The following PABIR2 variants were observed in gnomAD, a reference collection of about 807,000 sequenced individuals.
PABIR2 encodes family with sequence similarity 122B.
In PABIR2, 7 loss-of-function variants were observed where a neutral mutation model predicts 22.8. That is an observed-to-expected ratio of 0.31 (90% CI 0.17 to 0.58). The LOEUF is 0.58. Among genes scored for constraint, PABIR2 ranks in the 20% least tolerant of loss-of-function variants. PABIR2 has a pLI of 0.89. For synonymous variants in PABIR2, 67 were observed against 73.8 expected, an observed-to-expected ratio of 0.91 and a Z score of 0.47; for missense variants, 155 against 205.1, an observed-to-expected ratio of 0.76 and a Z score of 1.49.
Position 134,771,951 on chromosome X carries a change from C to T in PABIR2, c.*188G>A, listed in dbSNP as rs1319409537. On this transcript the variant is annotated 3_prime_UTR_variant, in exon 10 of 10. Coordinates refer to ENST00000343004, the MANE Select transcript of PABIR2 (RefSeq NM_001387468.1). The stretch of plus-strand genomic sequence containing the variant: ...AAAATGAGATCAGCAAAACCAGATA[C>T]TAGTAAGGTCACTAGGCTCACAAAA... The T allele has an allele frequency of 3.1e-6, 3 of 961,781 alleles. No homozygotes were observed. Among genetic ancestry groups the T allele is most frequent in the Admixed American group, 5.4e-5 (1 of 18,487 alleles). The allele number at this position is 961,781 out of a possible 1,213,427, so 79.3% of individuals were successfully genotyped here.
At chrX:134,796,076 T>C (rs2079794862) in intron 1 of PABIR2, 32 bp downstream of exon 1, 1 of 1,170,514 alleles carries the variant, frequency 8.5e-7, no homozygotes, top group Non-Finnish European at 1.2e-6. Context: ...AGCCCCTGAA[T>C]CCTGTACTCC....
At chrX:134,784,209 C>G (rs2079241002) in intron 8 of PABIR2, among the ~76,000 whole-genome samples, 1 of 110,304 alleles carries the variant, frequency 9.1e-6, no homozygotes, top group East Asian at 2.9e-4. Context: ...GTGGCTCATA[C>G]CTGTAATCCC....
chrX:134,791,698 A>T (rs1333236655), intron 2 of PABIR2: 1 of 328,706 alleles, frequency 3.0e-6, no homozygotes, highest in Non-Finnish European at 5.9e-6. Flanking sequence ...TGACATTTAC[A>T]CAAGATAGGT....
At position 134,793,830 on chromosome X, in the gene PABIR2, C is replaced by A; in HGVS notation, c.162G>T (p.Met54Ile). Reference protein sequence around the residue: ...LRTRRNSTTIMSRHSLLLSSS... With the variant: ...LRTRRNSTTIISRHSLLLSSS... The stretch of plus-strand genomic sequence containing the variant: ...CTATACTTACCAGGCTGTGACGGCT[C>A]ATAATTGTTGTACTATTCCTCCGAG... Residue 54 changes from methionine to isoleucine, a missense_variant, in exon 2 of 10, where the codon ATG becomes ATT. Met to Ile is a conservative substitution (Grantham distance 10). Transcript: ENST00000343004. 6 of 1,211,005 alleles carry A rather than the reference C, an allele frequency of 5.0e-6. No individual in the cohort carries two copies. Among genetic ancestry groups the A allele is most frequent in the Non-Finnish European group, 5.6e-6 (5 of 895,069 alleles).
chrX:134,794,892 G>C (rs2079683362), intron 1 of PABIR2, among the ~76,000 whole-genome samples: 1 of 111,697 alleles, frequency 9.0e-6, no homozygotes, highest in Non-Finnish European at 1.9e-5. Context: ...ACCAGGCCTG[G>C]TCTCCTTGCC....
chrX:134,777,307 A>ATG (rs2079004343), intron 9 of PABIR2, among the ~76,000 whole-genome samples: 2 of 111,847 alleles, frequency 1.8e-5, no homozygotes, highest in Admixed American at 1.9e-4. Flanking sequence ...CACGCAGATC[A>ATG]CTTGAGCGCA....
Position 134,796,512 on chromosome X carries a change from G to A in PABIR2, c.-307C>T. The A allele has an allele frequency of 4.3e-6, 1 of 231,416 alleles. No homozygotes were observed. Among genetic ancestry groups the A allele is most frequent in the African/African-American group, 2.9e-5 (1 of 34,444 alleles). 19.1% of individuals were successfully genotyped at this position (231,416 alleles called of 1,213,427 possible). ...GGAAAGAAGGATGGAGGGAAAACAA[G>A]GATGGAGGGAGGAGGGAAGAGGGAG... On this transcript the variant is annotated 5_prime_UTR_variant, in exon 1 of 10. Coordinates refer to ENST00000343004, the MANE Select transcript of PABIR2 (RefSeq NM_001387468.1).
chrX:134,790,482 A>G (rs2079513644), intron 2 of PABIR2, among the ~76,000 whole-genome samples: 1 of 112,939 alleles, frequency 8.9e-6, no homozygotes, highest in Admixed American at 9.3e-5. Context: ...CACTATTAAA[A>G]CTTATTTGAA....
At chrX:134,788,943 C>T in intron 5 of PABIR2, 112 bp from the exon 6 acceptor site, 1 of 1,022,784 alleles carries the variant, frequency 9.8e-7, no homozygotes, top group East Asian at 3.2e-5. Flanking sequence ...CTCTAATATT[C>T]TGCTGGAAAA....
intron 8 of PABIR2, among the ~76,000 whole-genome samples, chrX:134,784,998 T>C (rs901237183): frequency 8.0e-5 from 9 of 111,916 alleles, no homozygotes; most frequent in Non-Finnish European, 1.7e-4. Flanking sequence ...TACAGCACAT[T>C]TATGGATATG....
intron 9 of PABIR2, among the ~76,000 whole-genome samples, chrX:134,777,652 C>T (rs745974957): frequency 9.1e-6 from 1 of 109,419 alleles, no homozygotes; most frequent in Admixed American, 9.7e-5. Flanking sequence ...GCCTGACCAA[C>T]ATGAAGAAAC....
At chrX:134,790,115 G>T (rs973742715) in intron 2 of PABIR2, among the ~76,000 whole-genome samples, 10 of 112,199 alleles carry the variant, frequency 8.9e-5, no homozygotes, top group Non-Finnish European at 1.9e-4. Context: ...CAATAAGGAG[G>T]TTTTGCTTTC....
intron 1 of PABIR2, among the ~76,000 whole-genome samples, chrX:134,794,894 C>T (rs2079683731): frequency 8.9e-6 from 1 of 111,831 alleles, no homozygotes; most frequent in South Asian, 3.7e-4. Context: ...CAGGCCTGGT[C>T]TCCTTGCCCC....
intron 6 of PABIR2, among the ~76,000 whole-genome samples, 188 bp downstream of exon 6, chrX:134,788,538 TTATA>T (rs1184161165): frequency 2.9e-5 from 3 of 104,117 alleles, no homozygotes; most frequent in Admixed American, 1.1e-4. Context: ...AATATATATG[TTATA>T]TATATATATA....
intron 2 of PABIR2, among the ~76,000 whole-genome samples, chrX:134,793,068 TCA>T (rs1387994551): frequency 8.9e-5 from 10 of 112,308 alleles, no homozygotes; most frequent in African/African-American, 2.3e-4. Flanking sequence ...TTGCTGCTTC[TCA>T]CACACTATTG....
At chrX:134,772,871 A>G (rs751517925) in intron 9 of PABIR2, among the ~76,000 whole-genome samples, 1 of 111,314 alleles carries the variant, frequency 9.0e-6, no homozygotes, top group East Asian at 2.8e-4. Flanking sequence ...TGCTTTCAAA[A>G]CCCAAAGGTC....
At chrX:134,788,449 TTA>T (rs200944255) in intron 6 of PABIR2, among the ~76,000 whole-genome samples, 14 of 105,361 alleles carry the variant, frequency 1.3e-4, no homozygotes, top group East Asian at 1.2e-3. Flanking sequence ...TATATATGTG[TTA>T]TATATGTTAT....
chrX:134,772,430 ATAC>A (rs768382980), intron 9 of PABIR2, 147 bp from the exon 10 acceptor site: 53 of 503,258 alleles, frequency 1.1e-4, no homozygotes, highest in Non-Finnish European at 1.4e-4. Context: ...ACTACATAAT[ATAC>A]TACATTATAA....
chrX:134,796,189 A>G lies in PABIR2; in HGVS notation c.17T>C (p.Met6Thr). 1 of 1,209,118 alleles carries G rather than the reference A, an allele frequency of 8.3e-7. No homozygotes were observed. The highest frequency in any genetic ancestry group is 1.1e-6 in the Non-Finnish European group (1 of 894,634). Residue 6 changes from methionine to threonine, a missense_variant, in exon 1 of 10, where the codon ATG becomes ACG. Coordinates refer to ENST00000343004, the MANE Select transcript of PABIR2 (RefSeq NM_001387468.1). MAQEK[M>T]ELDLEPDTSY... ...TGTGTCAGGCTCAAGGTCCAGCTCCATTTTCTCCTGAGCCATGTCAGACTT... is the reference window on the plus strand; with the variant it reads ...TGTGTCAGGCTCAAGGTCCAGCTCCGTTTTCTCCTGAGCCATGTCAGACTT...
Sources: gnomAD v4.1 joint callset for allele counts (sites outside exome capture counted in the v4.1 genomes callset) on GRCh38, gnomAD v4.1.1 for gene constraint, MANE v1.5 for transcripts, NCBI Gene and HGNC (gene_info 2026-07-23, HGNC 2026-07-21) for gene names.